The following MTOR variants were observed in gnomAD, a reference collection of about 807,000 sequenced individuals.
MTOR encodes the protein mechanistic target of rapamycin kinase.
MTOR carries 70 observed loss-of-function variants against 319.8 expected under a neutral mutation model. That is an observed-to-expected ratio of 0.22 (90% CI 0.18 to 0.27). The LOEUF is 0.27. Ranked by LOEUF, MTOR falls within the 10% of genes least tolerant of loss-of-function variation. MTOR has a pLI of 1.00. For missense variants in MTOR, 1,890 were observed against 3,274.4 expected (o/e 0.58, Z 10.32); for synonymous variants, 1,183 against 1,211.4 (o/e 0.98, Z 0.49).
chr1:11,245,978 T>A (rs977071556), intron 8 of MTOR, among the ~76,000 whole-genome samples: 1 of 152,190 alleles, frequency 6.6e-6, no homozygotes, highest in Non-Finnish European at 1.5e-5. Flanking sequence ...AATCTGACTG[T>A]AGAGATTCTA....
At chr1:11,216,263 G>T in intron 19 of MTOR, 29 bp from the exon 20 acceptor site, 1 of 1,568,058 alleles carries the variant, frequency 6.4e-7, no homozygotes, top group Non-Finnish European at 8.8e-7. Context: ...CAACCAGCTG[G>T]TATCATGAAG....
intron 26 of MTOR, among the ~76,000 whole-genome samples, chr1:11,202,583 A>G (rs2100757853): frequency 6.6e-6 from 1 of 152,018 alleles, no homozygotes; most frequent in South Asian, 2.1e-4. Context: ...CCATGTAACA[A>G]ACCTGCACCT....
rs1400533264 is a variant in MTOR at position 11,109,754 on chromosome 1, A to G, written c.7367-25T>C. 1.9e-6 allele frequency: 3 copies of G among 1,608,308 alleles called. No individual in the cohort carries two copies. The highest frequency in any genetic ancestry group is 1.1e-5 in the South Asian group (1 of 90,960). On this transcript the variant is annotated intron_variant, in intron 54 of 57. Coordinates refer to ENST00000361445, the MANE Select transcript of MTOR (RefSeq NM_004958.4). The surrounding 1 kb of genome is among the most constrained non-coding windows in gnomAD (Gnocchi z 4.0). ...TCTATGGGAAAAGAAATCAATTAACAGAAAATTCAAACACCAAAAAGCCAC... is the reference window on the plus strand; with the variant it reads ...TCTATGGGAAAAGAAATCAATTAACGGAAAATTCAAACACCAAAAAGCCAC...
intron 2 of MTOR, among the ~76,000 whole-genome samples, 155 bp from the exon 3 acceptor site, chr1:11,258,748 T>A (rs766742274): frequency 2.0e-5 from 3 of 152,228 alleles, no homozygotes; most frequent in African/African-American, 2.4e-5. Context: ...GATTACACTG[T>A]AGAGTACCTG....
intron 34 of MTOR, among the ~76,000 whole-genome samples, chr1:11,140,435 G>C (rs1478841543): frequency 6.6e-6 from 1 of 152,192 alleles, no homozygotes; most frequent in Admixed American, 6.5e-5. Flanking sequence ...AGAATCCAAT[G>C]TGGCTGCCGA....
chr1:11,194,340 T>C, intron 28 of MTOR: 1 of 920,488 alleles, frequency 1.1e-6, no homozygotes, highest in Non-Finnish European at 1.7e-6. Context: ...TAATAAAGTC[T>C]TATTAGATTC....
rs192259808 is a variant in MTOR at position 11,109,125 on chromosome 1, G to A, written c.7528+165C>T. Among the ~76,000 whole-genome samples the A allele has an allele frequency of 2.0e-4, 30 of 152,346 alleles. 1 individual carries two copies. The highest frequency in any genetic ancestry group is 5.5e-4 in the African/African-American group (23 of 41,580). ...TACTGTTATCAGTCATCAGAAAGAA[G>A]AATCAGAGACAATGTTTAACTGATG... is the stretch of plus-strand genomic sequence containing the variant. On this transcript the variant is annotated intron_variant, in intron 56 of 57. Coordinates refer to ENST00000361445, the MANE Select transcript of MTOR (RefSeq NM_004958.4). This position sits in a 1 kb window ranked among gnomAD's most constrained non-coding sequence, Gnocchi z 4.0.
chr1:11,223,112 G>A (rs1569641219), intron 19 of MTOR, among the ~76,000 whole-genome samples: 1 of 150,638 alleles, frequency 6.6e-6, no homozygotes, highest in African/African-American at 2.4e-5. Context: ...GATACAATCA[G>A]CCAAATCCAG....
chr1:11,188,910 G>T (rs1012938200), intron 28 of MTOR, among the ~76,000 whole-genome samples: 1 of 152,188 alleles, frequency 6.6e-6, no homozygotes, highest in African/African-American at 2.4e-5. Context: ...TATTCAGCAG[G>T]ATGTCAAAAT....
At chr1:11,170,270 G>A (rs1481376501) in intron 28 of MTOR, among the ~76,000 whole-genome samples, 2 of 152,214 alleles carry the variant, frequency 1.3e-5, no homozygotes, top group African/African-American at 4.8e-5. Flanking sequence ...AGTTCCCAAT[G>A]CCACTTGGCC....
chr1:11,135,152 C>T (rs2100455263), intron 36 of MTOR, among the ~76,000 whole-genome samples: 1 of 152,240 alleles, frequency 6.6e-6, no homozygotes, highest in East Asian at 1.9e-4. Context: ...TGAGGAAGGG[C>T]AGAGACAGAA....
rs192998719 is a variant in MTOR, at chr1:11,204,544, G to A, written c.3944+17C>T. 1.6e-5 allele frequency: 26 copies of A among 1,605,518 alleles called. No homozygotes were observed. Among genetic ancestry groups the A allele is most frequent in the Non-Finnish European group, 2.0e-5 (24 of 1,174,002 alleles). Reference sequence around the variant, plus strand: ...TTCTATGTGCTGATCTTCTCCACCCGCCCTGACACACTATACCTGGCCATC... The same window carrying A: ...TTCTATGTGCTGATCTTCTCCACCCACCCTGACACACTATACCTGGCCATC... On this transcript the variant is annotated intron_variant, in intron 26 of 57. Transcript: ENST00000361445.
In MTOR at chr1:11,240,370, G is replaced by A; in HGVS notation, c.1719C>T (p.Leu573=). Residue 573 remains leucine (L), a synonymous_variant, in exon 11 of 58, where the codon CTC becomes CTT. Transcript: ENST00000361445. Reference sequence around the variant, plus strand: ...TGCTGCCCACATCGCTGGCCTCAGGGAGGGTCGTGAGGCCAGGAGAGGCCA... The same window carrying A: ...TGCTGCCCACATCGCTGGCCTCAGGAAGGGTCGTGAGGCCAGGAGAGGCCA... ...HQLASPGLTT[L]PEASDVGSIT... The A allele has an allele frequency of 6.2e-7, 1 of 1,614,054 alleles. No individual in the cohort carries two copies. The highest frequency in any genetic ancestry group is 1.1e-5 in the South Asian group (1 of 91,048).
intron 49 of MTOR, among the ~76,000 whole-genome samples, chr1:11,120,768 A>G (rs995426906): frequency 6.6e-6 from 1 of 152,198 alleles, no homozygotes; most frequent in Admixed American, 6.5e-5. Context: ...ATGTTATACA[A>G]TGTAAACAGT....
intron 49 of MTOR, among the ~76,000 whole-genome samples, chr1:11,119,394 G>A (rs1021535704): frequency 2.0e-5 from 3 of 150,762 alleles, no homozygotes; most frequent in Admixed American, 6.6e-5. Flanking sequence ...GTGAAACCCC[G>A]TCTCTATTAA....
chr1:11,193,995 A>G (rs1645672172), intron 28 of MTOR, among the ~76,000 whole-genome samples: 1 of 152,224 alleles, frequency 6.6e-6, no homozygotes, highest in South Asian at 2.1e-4. Flanking sequence ...TGGGACAGGA[A>G]GAGGCCAGAC....
rs756658424 is a variant in MTOR, at chr1:11,258,575, T to A, written c.181A>T (p.Thr61Ser). ...TGGTTCAGTTGGTCATAGAAGCGAG[T>A]AGACTCCTCTTGACTCATCTGCAAA... ...ELREMSQEES[T>S]RFYDQLNHHI... Residue 61 changes from threonine (T) to serine (S), a missense_variant, in exon 3 of 58, where the codon ACT (threonine) becomes TCT (serine). Coordinates refer to ENST00000361445, the MANE Select transcript of MTOR (RefSeq NM_004958.4). The A allele has an allele frequency of 6.2e-7, 1 of 1,613,536 alleles. No homozygotes were observed. The highest frequency in any genetic ancestry group is 8.5e-7 in the Non-Finnish European group (1 of 1,179,578).
intron 49 of MTOR, among the ~76,000 whole-genome samples, chr1:11,118,835 A>G (rs1278416921): frequency 6.6e-6 from 1 of 151,998 alleles, no homozygotes; most frequent in Non-Finnish European, 1.5e-5. Context: ...GACGCTGCCC[A>G]GGCTGGTCTC....
intron 5 of MTOR, among the ~76,000 whole-genome samples, chr1:11,255,475 A>G (rs1242029395): frequency 6.6e-6 from 1 of 151,946 alleles, no homozygotes; most frequent in African/African-American, 2.4e-5. Context: ...AAAATAATGT[A>G]TAGAATAATG....
Sources: allele counts gnomAD v4.1 joint callset (sites outside exome capture counted in the v4.1 genomes callset), GRCh38; gene constraint gnomAD v4.1.1; non-coding constraint Gnocchi (gnomAD v3.1); transcripts MANE v1.5; gene names NCBI Gene and HGNC (gene_info 2026-07-23, HGNC 2026-07-21).